Variants in OPCML observed in about 807,000 individuals in gnomAD.
The protein encoded by OPCML is opioid binding protein/cell adhesion molecule like.
Under a neutral mutation model 37.8 loss-of-function variants are expected in OPCML, and 13 were observed. The ratio of observed to expected loss-of-function variants is 0.34; its 90% CI spans 0.22 to 0.55. OPCML has a LOEUF of 0.55. Ranked by LOEUF, OPCML falls within the 20% of genes least tolerant of loss-of-function variation. OPCML has a pLI of 0.91. For missense variants in OPCML, 341 were observed against 435.6 expected (o/e 0.78, Z 1.93); for synonymous variants, 176 against 168.8 (o/e 1.04, Z -0.33).
At chr11:132,819,352 G>C (rs1939832939) in intron 2 of OPCML, among the ~76,000 whole-genome samples, 1 of 110,864 alleles carries the variant, frequency 9.0e-6, no homozygotes, top group Non-Finnish European at 2.0e-5. Flanking sequence ...GATTACTTTG[G>C]TTAAAAAAAA....
chr11:132,824,750 C>G (rs1413231552), intron 2 of OPCML, among the ~76,000 whole-genome samples: 1 of 152,186 alleles, frequency 6.6e-6, no homozygotes, highest in Non-Finnish European at 1.5e-5. Context: ...TGGCTGTAAA[C>G]TTCAATTATA....
At chr11:132,748,357 G>A (rs184697129) in intron 2 of OPCML, among the ~76,000 whole-genome samples, 51 of 152,118 alleles carry the variant, frequency 3.4e-4, no homozygotes, top group Admixed American at 2.4e-3. Context: ...TCGAATGCCC[G>A]CTTTCTGTAA....
intron 4 of OPCML, among the ~76,000 whole-genome samples, chr11:132,465,852 T>A (rs894555505): frequency 1.3e-5 from 2 of 152,242 alleles, no homozygotes; most frequent in African/African-American, 4.8e-5. Context: ...GTCTTCCAGA[T>A]GCGTTTTAAA....
chr11:133,310,516 C>T (rs1394251814), intron 1 of OPCML, among the ~76,000 whole-genome samples: 1 of 152,156 alleles, frequency 6.6e-6, no homozygotes, highest in African/African-American at 2.4e-5. Context: ...TTCCCCTCAC[C>T]ATTTCTTAGA....
In OPCML at chr11:132,436,155, C is replaced by T; in HGVS notation, c.847G>A (p.Asp283Asn). ...TLTFFNVSEK[D>N]YGNYTCVATN... ...GCCACACAAGTATAGTTCCCATAAT[C>T]CTTTTCTGAAACATTGAAGAAAGTC... The change falls in exon 7 of 8, where the codon GAT becomes AAT. Residue 283 changes from aspartate (D) to asparagine (N), a missense_variant. Asp to Asn is a conservative substitution (Grantham distance 23, BLOSUM62 1). Transcript: ENST00000524381. 6.2e-7 allele frequency: 1 copy of T among 1,614,200 alleles called. No homozygotes were observed. Among genetic ancestry groups the T allele is most frequent in the Non-Finnish European group, 8.5e-7 (1 of 1,180,028 alleles).
chr11:132,732,178 C>T (rs994281096), intron 2 of OPCML, among the ~76,000 whole-genome samples: 9 of 152,004 alleles, frequency 5.9e-5, no homozygotes, highest in Admixed American at 1.3e-4. Flanking sequence ...TTTTAAAGTT[C>T]GAACAAGAAT....
At chr11:133,222,465 C>T (rs573389571) in intron 1 of OPCML, among the ~76,000 whole-genome samples, 1 of 152,292 alleles carries the variant, frequency 6.6e-6, no homozygotes, top group East Asian at 1.9e-4. Context: ...GGCCGCTCCT[C>T]ACTGACGGGC....
chr11:132,764,189 T>C (rs1390663640), intron 2 of OPCML, among the ~76,000 whole-genome samples: 1 of 152,230 alleles, frequency 6.6e-6, no homozygotes, highest in African/African-American at 2.4e-5. Context: ...GCTGTGGTCA[T>C]AAGCTTTGAA....
At chr11:132,610,536 A>G (rs1345038352) in intron 3 of OPCML, among the ~76,000 whole-genome samples, 1 of 152,182 alleles carries the variant, frequency 6.6e-6, no homozygotes, top group Non-Finnish European at 1.5e-5. Context: ...GCCGAAGAGC[A>G]CTGAGAGAAA....
At chr11:132,514,062 T>G (rs1360174559) in intron 4 of OPCML, among the ~76,000 whole-genome samples, 1 of 152,174 alleles carries the variant, frequency 6.6e-6, no homozygotes. Context: ...TTTCCTTCTG[T>G]GTAAAGTGTG....
intron 1 of OPCML, among the ~76,000 whole-genome samples, chr11:133,472,808 G>A (rs1408212008): frequency 2.0e-5 from 3 of 151,942 alleles, no homozygotes; most frequent in Admixed American, 2.0e-4. Flanking sequence ...AACAGACCCT[G>A]CAGCAATTGG....
intron 3 of OPCML, among the ~76,000 whole-genome samples, chr11:132,646,927 G>C (rs923361157): frequency 6.6e-6 from 1 of 151,992 alleles, no homozygotes; most frequent in Admixed American, 6.6e-5. Flanking sequence ...TTAACTCCAA[G>C]AAAAAAAGTT....
At chr11:132,749,018 T>A (rs770535133) in intron 2 of OPCML, among the ~76,000 whole-genome samples, 7 of 152,204 alleles carry the variant, frequency 4.6e-5, no homozygotes, top group Non-Finnish European at 8.8e-5. Context: ...GAAATCCCAA[T>A]ACACACTGTG....
chr11:132,813,002 A>G (rs972824556), intron 2 of OPCML, among the ~76,000 whole-genome samples: 2 of 152,228 alleles, frequency 1.3e-5, no homozygotes, highest in African/African-American at 4.8e-5. Context: ...AACACTGAGC[A>G]GTTCTGTAAA....
chr11:133,519,186 ATTCCT>A, intron 1 of OPCML, among the ~76,000 whole-genome samples: 1 of 152,210 alleles, frequency 6.6e-6, no homozygotes, highest in South Asian at 2.1e-4. Context: ...GCTTCCAGAT[ATTCCT>A]AGTCCCACTT....
At chr11:132,587,153 G>C (rs1352464368) in intron 3 of OPCML, among the ~76,000 whole-genome samples, 1 of 152,136 alleles carries the variant, frequency 6.6e-6, no homozygotes, top group Non-Finnish European at 1.5e-5. Context: ...AACTAGCATG[G>C]GGAAAGATGC....
At chr11:133,127,011 C>G (rs930319073) in intron 1 of OPCML, among the ~76,000 whole-genome samples, 1 of 152,150 alleles carries the variant, frequency 6.6e-6, no homozygotes, top group African/African-American at 2.4e-5. Context: ...GCATGGCCAG[C>G]TCTATTGACA....
intron 1 of OPCML, among the ~76,000 whole-genome samples, chr11:132,979,256 A>G (rs1294557203): frequency 6.6e-6 from 1 of 152,218 alleles, no homozygotes; most frequent in Non-Finnish European, 1.5e-5. Context: ...AGCTGTTTAA[A>G]GCAAGTCTGT....
Position 133,212,120 on chromosome 11 carries a change from C to G in OPCML, c.62-269110G>C, listed in dbSNP as rs879751461. Among the ~76,000 whole-genome samples the G allele has an allele frequency of 1.3e-5, 2 of 149,264 alleles. No individual in the cohort carries two copies. Among genetic ancestry groups the G allele is most frequent in the African/African-American group, 2.6e-5 (1 of 38,736 alleles). On this transcript the variant is annotated intron_variant, in intron 1 of 7. Transcript: ENST00000524381. This position sits in a 1 kb window ranked among gnomAD's most constrained non-coding sequence, Gnocchi z 4.9. Reference sequence around the variant, plus strand: ...TGAGGTGGGGGGTCAGGATCCTTCACCTGCTGGAACCTGAGCATGAAAGTA... The same window carrying G: ...TGAGGTGGGGGGTCAGGATCCTTCAGCTGCTGGAACCTGAGCATGAAAGTA...
Sources: allele counts gnomAD v4.1 joint callset (sites outside exome capture counted in the v4.1 genomes callset), GRCh38; gene constraint gnomAD v4.1.1; non-coding constraint Gnocchi (gnomAD v3.1); transcripts MANE v1.5; gene names NCBI Gene and HGNC (gene_info 2026-07-23, HGNC 2026-07-21).